The following PIGG variants were observed in gnomAD, a reference collection of about 807,000 sequenced individuals.
PIGG encodes GPI ethanolamine phosphate transferase 2, catalytic subunit.
In PIGG, 70 loss-of-function variants were observed where a neutral mutation model predicts 83.2. The observed-to-expected ratio is 0.84, with a 90% CI of 0.69 to 1.03. The LOEUF is 1.03. Among genes scored for constraint, PIGG ranks in the 50% least tolerant of loss-of-function variants. The probability of loss-of-function intolerance (pLI) is 0.00; values close to 1 mark genes in which losing one functional copy is unlikely to be tolerated. For synonymous variants in PIGG, 532 were observed against 519.5 expected, an observed-to-expected ratio of 1.02 and a Z score of -0.33; for missense variants, 1,257 against 1,233.6, an observed-to-expected ratio of 1.02 and a Z score of -0.28.
chr4:521,897 T>A lies in PIGG; in HGVS notation c.1570T>A (p.Ser524Thr), dbSNP rs1300965517. ...LASALLCVIV[S>T]VLTNVLVGGN... ...CTCGGCGCTGCTGTGTGTGATTGTG[T>A]CTGTTCTGACCAACGTGCTCGTGGG... The change falls in exon 8 of 13, where the codon TCT becomes ACT. Residue 524 changes from serine (S) to threonine (T), a missense_variant. Physicochemically the swap from Ser to Thr is moderately conservative, Grantham distance 58. Coordinates refer to ENST00000453061, the MANE Select transcript of PIGG (RefSeq NM_001127178.3). 1.2e-6 allele frequency: 2 copies of A among 1,614,182 alleles called. No homozygotes were observed.
chr4:511,918 C>G (rs183532716), intron 5 of PIGG, among the ~76,000 whole-genome samples: 2 of 152,134 alleles, frequency 1.3e-5, no homozygotes, highest in Non-Finnish European at 2.9e-5. Context: ...GCTGTCTCAC[C>G]GCCTTCTGGC....
chr4:510,780 T>C (rs1286412597), intron 5 of PIGG, among the ~76,000 whole-genome samples: 1 of 152,134 alleles, frequency 6.6e-6, no homozygotes, highest in East Asian at 1.9e-4. Flanking sequence ...TACATCATTT[T>C]CCTCACCTCA....
intron 11 of PIGG, chr4:533,474 A>G (rs1238400255): frequency 9.0e-6 from 2 of 222,970 alleles, no homozygotes; most frequent in South Asian, 1.8e-4. Flanking sequence ...TGCTTGTCTT[A>G]AGTCGATGGG....
At chr4:511,992 T>C (rs571504005) in intron 5 of PIGG, among the ~76,000 whole-genome samples, 2 of 152,324 alleles carry the variant, frequency 1.3e-5, no homozygotes, top group South Asian at 4.1e-4. Flanking sequence ...CTTTGTCTTT[T>C]ACCATTTTTG....
At chr4:519,185 G>A (rs1397165020) in intron 6 of PIGG, among the ~76,000 whole-genome samples, 1 of 152,132 alleles carries the variant, frequency 6.6e-6, no homozygotes, top group Non-Finnish European at 1.5e-5. Flanking sequence ...CAGCTGTAAT[G>A]CAGTCACAGT....
chr4:503,444 G>A (rs910210020), intron 2 of PIGG, among the ~76,000 whole-genome samples: 4 of 152,062 alleles, frequency 2.6e-5, no homozygotes, highest in South Asian at 2.1e-4. Flanking sequence ...GCCCCCTTCC[G>A]TGTTCCCTTG....
intron 3 of PIGG, among the ~76,000 whole-genome samples, 182 bp from the exon 4 acceptor site, chr4:507,223 A>G (rs1450877062): frequency 2.0e-5 from 3 of 152,214 alleles, no homozygotes; most frequent in Admixed American, 6.5e-5. Context: ...GAAAGGCATG[A>G]GCTGCTGTGT....
intron 10 of PIGG, chr4:527,716 G>A (rs1728047489): frequency 2.0e-6 from 2 of 985,402 alleles, no homozygotes; most frequent in Non-Finnish European, 2.4e-6. Flanking sequence ...GCCCCCGTAA[G>A]GGGCCAGGAG....
chr4:523,734 C>A lies in PIGG; in HGVS notation c.1890C>A (p.Val630=). 5 of 1,614,200 alleles carry A rather than the reference C, an allele frequency of 3.1e-6. No homozygotes were observed. The highest frequency in any genetic ancestry group is 4.2e-6 in the Non-Finnish European group (5 of 1,180,042). The stretch of plus-strand genomic sequence containing the variant: ...GGCAGGACGGGCCTGGCTGTGATGT[C>A]CTGGAGCGAGACAAAGGCCACGGAA... ...AAWQDGPGCD[V]LERDKGHGSP... The change falls in exon 9 of 13, where the codon GTC becomes GTA. Residue 630 remains valine, a synonymous_variant. Coordinates refer to ENST00000453061, the MANE Select transcript of PIGG (RefSeq NM_001127178.3).
intron 6 of PIGG, among the ~76,000 whole-genome samples, chr4:517,707 A>G (rs1724405460): frequency 6.6e-6 from 1 of 152,132 alleles, no homozygotes; most frequent in South Asian, 2.1e-4. Flanking sequence ...TAGGCAGCAG[A>G]CACTGCGACT....
intron 1 of PIGG, 31 bp from the exon 2 acceptor site, chr4:500,362 GTTC>G: frequency 1.3e-6 from 2 of 1,509,494 alleles, no homozygotes; most frequent in Non-Finnish European, 1.8e-6. Flanking sequence ...AAAGTTTAGA[GTTC>G]AATTTCCTTT....
Position 500,377 on chromosome 4 carries a change from T to C in PIGG, c.155-19T>C. ...AAAGTTTAGAGTTCAATTTCCTTTTTTTTCTTTCAAACACTTAGGAGCCAG... is the reference window on the plus strand; with the variant it reads ...AAAGTTTAGAGTTCAATTTCCTTTTCTTTCTTTCAAACACTTAGGAGCCAG... On this transcript the variant is annotated intron_variant, in intron 1 of 12. Transcript: ENST00000453061. 1 of 1,596,950 alleles carries C rather than the reference T, an allele frequency of 6.3e-7. No homozygotes were observed. The highest frequency in any genetic ancestry group is 8.6e-7 in the Non-Finnish European group (1 of 1,165,972).
At chr4:504,374 G>C (rs1718862493) in intron 2 of PIGG, among the ~76,000 whole-genome samples, 1 of 152,204 alleles carries the variant, frequency 6.6e-6, no homozygotes, top group East Asian at 1.9e-4. Context: ...CGTGGAGCTG[G>C]AAAGGAGGGA....
chr4:525,984 C>T (rs1212231794), intron 9 of PIGG: 1 of 152,182 alleles, frequency 6.6e-6, no homozygotes, highest in African/African-American at 2.4e-5. Context: ...TTCTTACTTT[C>T]CTGGAAAATT....
chr4:527,610 G>T (rs1179513715), intron 10 of PIGG: 1 of 1,003,286 alleles, frequency 1.0e-6, no homozygotes, highest in African/African-American at 1.7e-5. Flanking sequence ...TCCTGGTCAG[G>T]GTGTAATTGG....
intron 1 of PIGG, chr4:499,817 C>T (rs1455652932): frequency 1.1e-6 from 1 of 946,290 alleles, no homozygotes; most frequent in Non-Finnish European, 1.4e-6. Flanking sequence ...GGTCACTCCC[C>T]GTTATAGGCG....
intron 2 of PIGG, chr4:501,158 G>A (rs1717571105): frequency 2.2e-6 from 1 of 455,550 alleles, no homozygotes; most frequent in African/African-American, 2.0e-5. Flanking sequence ...AAGAACCGTG[G>A]GTAAAGAAAA....
chr4:499,369 T>A lies in PIGG; in HGVS notation c.34T>A (p.Cys12Ser). 5 of 1,609,992 alleles carry A rather than the reference T, an allele frequency of 3.1e-6. No homozygotes were observed. Among genetic ancestry groups the A allele is most frequent in the Non-Finnish European group, 4.2e-6 (5 of 1,179,900 alleles). Reference protein sequence around the residue: ...RLGSGTFATCCVAIEVLGIAV... With the variant: ...RLGSGTFATCSVAIEVLGIAV... ...GGGCTCCGGGACTTTCGCTACCTGT[T>A]GCGTAGCGATCGAGGTGCTAGGGAT... Residue 12 changes from cysteine to serine, a missense_variant, in exon 1 of 13, where the codon TGC becomes AGC. Physicochemically the swap from Cys to Ser is moderately radical, Grantham distance 112. Transcript: ENST00000453061.
At chr4:501,129 A>G (rs1553875644) in intron 2 of PIGG, 4 of 456,274 alleles carry the variant, frequency 8.8e-6, no homozygotes, top group Non-Finnish European at 1.8e-5. Context: ...GCAGCTTTGA[A>G]GTACATAGTG....
Sources: allele counts gnomAD v4.1 joint callset (sites outside exome capture counted in the v4.1 genomes callset), GRCh38; gene constraint gnomAD v4.1.1; transcripts MANE v1.5; gene names NCBI Gene and HGNC (gene_info 2026-07-23, HGNC 2026-07-21).